SCAMP1: variants seen among roughly 807,000 people sequenced by gnomAD.
The protein encoded by SCAMP1 is secretory carrier membrane protein 1.
SCAMP1 carries 15 observed loss-of-function variants against 41.8 expected under a neutral mutation model. The ratio of observed to expected loss-of-function variants is 0.36; its 90% CI spans 0.24 to 0.55. The LOEUF is 0.55. SCAMP1 is among the 20% of genes least tolerant of loss of function. The pLI, the probability that SCAMP1 is intolerant of heterozygous loss-of-function variation, is 0.86. For synonymous variants in SCAMP1, 135 were observed against 136.8 expected (o/e 0.99, Z 0.09); for missense variants, 341 against 412.6 (o/e 0.83, Z 1.50).
At position 78,475,757 on chromosome 5, in the gene SCAMP1, C is replaced by A; in HGVS notation, c.*89C>A. 2 of 989,758 alleles carry A rather than the reference C, an allele frequency of 2.0e-6. No individual in the cohort carries two copies. Among genetic ancestry groups the A allele is most frequent in the Non-Finnish European group, 2.7e-6 (2 of 731,034 alleles). The allele number at this position is 989,758 out of a possible 1,614,324, so 61.3% of individuals were successfully genotyped here. A position where few individuals can be genotyped will look rare whatever the true frequency, so the allele number is the denominator to read the frequency against. Reference sequence around the variant, plus strand: ...CAAATATTTTTATGTTCAAAACACACAGTACAGACAGCATGGATATTTCCT... The same window carrying A: ...CAAATATTTTTATGTTCAAAACACAAAGTACAGACAGCATGGATATTTCCT... On this transcript the variant is annotated 3_prime_UTR_variant, in exon 9 of 9. Coordinates refer to ENST00000621999, the MANE Select transcript of SCAMP1 (RefSeq NM_004866.6).
intron 2 of SCAMP1, among the ~76,000 whole-genome samples, chr5:78,410,412 C>A (rs1752046502): frequency 6.6e-6 from 1 of 152,086 alleles, no homozygotes; most frequent in African/African-American, 2.4e-5. Context: ...TTTTCTGTTC[C>A]TGCATTAGTT....
intron 7 of SCAMP1, among the ~76,000 whole-genome samples, chr5:78,453,617 T>C (rs200567197): frequency 2.6e-5 from 4 of 151,914 alleles, no homozygotes; most frequent in Admixed American, 6.6e-5. Context: ...AGTCAGGTAG[T>C]GTGATGCCTC....
intron 1 of SCAMP1, among the ~76,000 whole-genome samples, chr5:78,371,141 C>A (rs574471156): frequency 5.1e-4 from 77 of 152,104 alleles, no homozygotes; most frequent in African/African-American, 1.8e-3. Context: ...TTGATAACAT[C>A]TTTTGAAGCA....
intron 6 of SCAMP1, among the ~76,000 whole-genome samples, chr5:78,448,090 C>T: frequency 4.6e-4 from 2 of 4,378 alleles, no homozygotes; most frequent in African/African-American, 3.1e-3. Context: ...TTCCCCCTCC[C>T]CCTTCCCCCT....
intron 1 of SCAMP1, among the ~76,000 whole-genome samples, chr5:78,382,637 T>C (rs904692392): frequency 1.7e-4 from 26 of 152,186 alleles, no homozygotes; most frequent in African/African-American, 5.8e-4. Context: ...TCCTCATAAC[T>C]TAACTCCCAC....
chr5:78,374,780 T>A (rs185699391), intron 1 of SCAMP1, among the ~76,000 whole-genome samples: 1 of 152,244 alleles, frequency 6.6e-6, no homozygotes, highest in East Asian at 1.9e-4. Context: ...AAGGACTGAT[T>A]TGGGTCTATA....
chr5:78,431,061 C>T (rs1580689586), intron 6 of SCAMP1, among the ~76,000 whole-genome samples: 1 of 151,956 alleles, frequency 6.6e-6, no homozygotes, highest in East Asian at 1.9e-4. Flanking sequence ...TAACCATATA[C>T]ATATGTGAAG....
At position 78,388,925 on chromosome 5, in the gene SCAMP1, T is replaced by A. The variant is rs539893709; in HGVS notation, c.135+11T>A. The A allele has an allele frequency of 1.2e-5, 17 of 1,363,050 alleles. No individual in the cohort carries two copies. The South Asian group carries it at 1.7e-4, about 14-fold the overall frequency. 84.4% of individuals were successfully genotyped at this position (1,363,050 alleles called of 1,614,324 possible). A position where few individuals can be genotyped will look rare whatever the true frequency, so the allele number is the denominator to read the frequency against. On this transcript the variant is annotated intron_variant, in intron 2 of 8. Coordinates refer to ENST00000621999, the MANE Select transcript of SCAMP1 (RefSeq NM_004866.6). ...TCGGATTCTAGAACAGTAAGATTAT[T>A]CTTGCTTTTAAATGTTTAAATTGAA... is the stretch of plus-strand genomic sequence containing the variant.
In SCAMP1 at chr5:78,480,221, C is replaced by A. The variant is rs960763512; in HGVS notation, c.*4553C>A. Among the ~76,000 whole-genome samples, 4 of 152,038 alleles carry A rather than the reference C, an allele frequency of 2.6e-5. No individual in the cohort carries two copies. Among genetic ancestry groups the A allele is most frequent in the Admixed American group, 1.3e-4 (2 of 15,262 alleles). Reference sequence around the variant, plus strand: ...ACATGGCTGATGGTGTAGCTGAAACCCTCCTAACACTAAAAGCCATTTAAT... The same window carrying A: ...ACATGGCTGATGGTGTAGCTGAAACACTCCTAACACTAAAAGCCATTTAAT... On this transcript the variant is annotated 3_prime_UTR_variant, in exon 9 of 9. Coordinates refer to ENST00000621999, the MANE Select transcript of SCAMP1 (RefSeq NM_004866.6).
At chr5:78,447,480 G>A (rs964416588) in intron 6 of SCAMP1, among the ~76,000 whole-genome samples, 1 of 152,020 alleles carries the variant, frequency 6.6e-6, no homozygotes, top group Non-Finnish European at 1.5e-5. Flanking sequence ...TTTTGAGAAA[G>A]GTACAAAGGG....
rs1180133301 is a variant in SCAMP1, at chr5:78,384,171, G to T, written c.58-4666G>T. On this transcript the variant is annotated intron_variant, in intron 1 of 8. Transcript: ENST00000621999. The stretch of plus-strand genomic sequence containing the variant: ...CCTCTTTGGTTAGGTATATTCCCAA[G>T]TTTTTTTTCTTTTTTTTTTTTTGCA... Among the ~76,000 whole-genome samples the T allele has an allele frequency of 3.1e-4, 21 of 68,846 alleles. No individual in the cohort carries two copies. In the East Asian group the frequency reaches 3.1e-3, roughly 10 times the overall value. The allele number at this position is 68,846 out of a possible 152,430, so 45.2% of individuals were successfully genotyped here.
At chr5:78,430,277 GTATT>G (rs1752586019) in intron 6 of SCAMP1, among the ~76,000 whole-genome samples, 2 of 143,756 alleles carry the variant, frequency 1.4e-5, no homozygotes, top group Admixed American at 1.4e-4. Flanking sequence ...TAAATAAATA[GTATT>G]TATTACTATG....
At chr5:78,452,350 C>A (rs1753259540) in intron 7 of SCAMP1, among the ~76,000 whole-genome samples, 2 of 132,132 alleles carry the variant, frequency 1.5e-5, no homozygotes, top group Admixed American at 1.6e-4. Flanking sequence ...CCCCCCACCC[C>A]ACGACAGTCC....
At chr5:78,405,149 T>G (rs543459997) in intron 2 of SCAMP1, among the ~76,000 whole-genome samples, 1 of 152,386 alleles carries the variant, frequency 6.6e-6, no homozygotes, top group African/African-American at 2.4e-5. Flanking sequence ...TTTTTTAGTT[T>G]GTTCATCTTT....
chr5:78,366,502 A>G (rs1002530603), intron 1 of SCAMP1, among the ~76,000 whole-genome samples: 2 of 152,090 alleles, frequency 1.3e-5, no homozygotes, highest in African/African-American at 4.8e-5. Flanking sequence ...AGCCCTGCTG[A>G]CCTAGTCACC....
intron 6 of SCAMP1, among the ~76,000 whole-genome samples, chr5:78,439,100 A>G (rs961262757): frequency 1.1e-4 from 16 of 152,088 alleles, no homozygotes; most frequent in Non-Finnish European, 1.5e-4. Context: ...TTTTGAGCCT[A>G]TGTGTGTCTC....
At chr5:78,364,312 A>G (rs1750739896) in intron 1 of SCAMP1, among the ~76,000 whole-genome samples, 1 of 152,276 alleles carries the variant, frequency 6.6e-6, no homozygotes, top group South Asian at 2.1e-4. Context: ...GTAAGTGGTC[A>G]GAAAATTTTC....
At chr5:78,401,974 C>T (rs1751810374) in intron 2 of SCAMP1, among the ~76,000 whole-genome samples, 1 of 152,066 alleles carries the variant, frequency 6.6e-6, no homozygotes. Flanking sequence ...ATACATTTTC[C>T]TCTAAGCCCT....
intron 6 of SCAMP1, among the ~76,000 whole-genome samples, chr5:78,432,099 C>T (rs2112169128): frequency 6.6e-6 from 1 of 152,118 alleles, no homozygotes; most frequent in East Asian, 1.9e-4. Context: ...CCATCTCTAC[C>T]TCTCCGGTGC....
Sources: gnomAD v4.1 joint callset for allele counts (sites outside exome capture counted in the v4.1 genomes callset) on GRCh38, gnomAD v4.1.1 for gene constraint, MANE v1.5 for transcripts, NCBI Gene and HGNC (gene_info 2026-07-23, HGNC 2026-07-21) for gene names.